The following PCDH15 variants were observed in gnomAD, a reference collection of about 807,000 sequenced individuals.
PCDH15 encodes the protein protocadherin-15.
A neutral mutation model predicts 178.5 loss-of-function variants in PCDH15; 129 were observed. That is an observed-to-expected ratio of 0.72 (90% CI 0.63 to 0.84). PCDH15 has a LOEUF of 0.84. Among genes scored for constraint, PCDH15 ranks in the 40% least tolerant of loss-of-function variants. The pLI, the probability that PCDH15 is intolerant of heterozygous loss-of-function variation, is 0.00. For missense variants in PCDH15, 2,230 were observed against 2,099.9 expected (o/e 1.06, Z -1.21); for synonymous variants, 800 against 732.0 (o/e 1.09, Z -1.50).
rs1159090797 is a variant in PCDH15, at chr10:54,329,673, A to G, written c.628T>C (p.Leu210=). 9 of 1,607,316 alleles carry G rather than the reference A, an allele frequency of 5.6e-6. No homozygotes were observed. Among genetic ancestry groups the G allele is most frequent in the Non-Finnish European group, 6.8e-6 (8 of 1,174,130 alleles). Residue 210 remains leucine (L), a synonymous_variant, in exon 7 of 38, where the codon TTG becomes CTG. Coordinates refer to ENST00000644397, the MANE Select transcript of PCDH15 (RefSeq NM_001384140.1). ...SNDTFEIPLM[L]TGNIVLRKRL... ...TTCCTTAACACTATATTTCCAGTCA[A>G]CATTAGGGGAATTTCAAAGGTGTCA...
At position 54,164,298 on chromosome 10, in the gene PCDH15, C is replaced by G. The variant is rs540808365; in HGVS notation, c.1591-11005G>C. Among the ~76,000 whole-genome samples the G allele has an allele frequency of 2.0e-5, 3 of 152,266 alleles. No homozygotes were observed. The South Asian group carries it at 6.2e-4, about 32-fold the overall frequency. ...GTGTATTGTGTTAAATATTTCATCTCTCTGCCTCAGCTCTATCGTGTGATA... is the reference window on the plus strand; with the variant it reads ...GTGTATTGTGTTAAATATTTCATCTGTCTGCCTCAGCTCTATCGTGTGATA... On this transcript the variant is annotated intron_variant, in intron 13 of 37. Coordinates refer to ENST00000644397, the MANE Select transcript of PCDH15 (RefSeq NM_001384140.1).
upstream of PCDH15, among the ~76,000 whole-genome samples, chr10:54,801,636 CCT>C (rs973232955): frequency 6.6e-6 from 1 of 151,606 alleles, no homozygotes; most frequent in Middle Eastern, 3.4e-3. Context: ...TCTGTCTCTC[CCT>C]CTCTCTCTCA....
At chr10:55,016,200 C>T (rs898617058) in intron 2 of PCDH15, among the ~76,000 whole-genome samples, 30 of 150,924 alleles carry the variant, frequency 2.0e-4, no homozygotes, top group African/African-American at 7.3e-4. Flanking sequence ...GTAATAATCA[C>T]ATCAGGGTAA....
chr10:55,315,002 C>G (rs929755413), intron 1 of PCDH15, among the ~76,000 whole-genome samples: 1 of 152,016 alleles, frequency 6.6e-6, no homozygotes, highest in Non-Finnish European at 1.5e-5. Context: ...AATATTTATA[C>G]ATCTGTGTAC....
chr10:55,348,547 A>G (rs1236913207), intron 2 of PCDH15, among the ~76,000 whole-genome samples: 1 of 152,178 alleles, frequency 6.6e-6, no homozygotes, highest in African/African-American at 2.4e-5. Flanking sequence ...GTAAACACAC[A>G]AACATAGTGT....
chr10:55,484,980 G>C (rs1289621263), intron 2 of PCDH15, among the ~76,000 whole-genome samples: 1 of 151,658 alleles, frequency 6.6e-6, no homozygotes, highest in African/African-American at 2.4e-5. Flanking sequence ...TCTGGGGAAG[G>C]ATTTTTTTGT....
chr10:55,342,093 T>C (rs1844617023), intron 2 of PCDH15, among the ~76,000 whole-genome samples: 2 of 151,626 alleles, frequency 1.3e-5, no homozygotes, highest in East Asian at 1.9e-4. Context: ...TTTGAATATG[T>C]ATATTGTTAA....
rs139434924 is a variant in PCDH15, at chr10:54,446,639, C to T, written c.158-67697G>A. On this transcript the variant is annotated intron_variant, in intron 3 of 37. Transcript: ENST00000644397. ...CACATGATGTCTTAAAGTATACATACATTGTGGAATGGCTAAATCAAGCTC... is the reference window on the plus strand; with the variant it reads ...CACATGATGTCTTAAAGTATACATATATTGTGGAATGGCTAAATCAAGCTC... 2.1e-3 allele frequency among the ~76,000 whole-genome samples: 320 copies of T among 151,550 alleles called. 6 individuals are homozygous for T. The highest frequency in any genetic ancestry group is 0.017 in the Admixed American group (253 of 15,110).
chr10:54,819,236 T>C (rs1591719376), intron 3 of PCDH15, among the ~76,000 whole-genome samples: 1 of 152,072 alleles, frequency 6.6e-6, no homozygotes, highest in African/African-American at 2.4e-5. Context: ...TGGTAACTGA[T>C]AGAATAAGGA....
chr10:54,019,193 T>G (rs138308776), intron 20 of PCDH15, among the ~76,000 whole-genome samples: 2,391 of 152,228 alleles, frequency 0.016, 24 homozygotes, highest in South Asian at 0.03. Context: ...TTCTATTTTC[T>G]TCCCTTACCA....
Position 54,576,693 on chromosome 10 carries a change from A to G in PCDH15, c.92-48816T>C, listed in dbSNP as rs569481636. On this transcript the variant is annotated intron_variant, in intron 2 of 37. Coordinates refer to ENST00000644397, the MANE Select transcript of PCDH15 (RefSeq NM_001384140.1). ...GCAAATTCTTGGGAATTGTATCCAG[A>G]TCAGATAAAACGTTGGACACTGGTT... is the stretch of plus-strand genomic sequence containing the variant. 4.4e-4 allele frequency among the ~76,000 whole-genome samples: 67 copies of G among 152,298 alleles called. No individual in the cohort carries two copies. The South Asian group carries it at 0.014, about 31-fold the overall frequency.
chr10:54,452,183 G>C (rs1315642581), intron 3 of PCDH15, among the ~76,000 whole-genome samples: 1 of 151,958 alleles, frequency 6.6e-6, no homozygotes, highest in Non-Finnish European at 1.5e-5. Context: ...GGGAGGAGGT[G>C]CTTAGGGCAT....
chr10:54,543,560 G>A (rs1355737029), intron 2 of PCDH15, among the ~76,000 whole-genome samples: 1 of 152,186 alleles, frequency 6.6e-6, no homozygotes, highest in Non-Finnish European at 1.5e-5. Flanking sequence ...AGTGACAAGG[G>A]ATGGATGTCT....
intron 2 of PCDH15, among the ~76,000 whole-genome samples, chr10:54,607,520 T>G (rs1284790136): frequency 6.6e-6 from 1 of 152,034 alleles, no homozygotes; most frequent in East Asian, 1.9e-4. Flanking sequence ...GACCTCTCAA[T>G]TCCTGGCATA....
At chr10:55,515,535 T>C (rs1344820228) in intron 2 of PCDH15, among the ~76,000 whole-genome samples, 2 of 152,120 alleles carry the variant, frequency 1.3e-5, no homozygotes, top group African/African-American at 4.8e-5. Flanking sequence ...CTATTTATAC[T>C]AATAAATAGC....
intron 3 of PCDH15, among the ~76,000 whole-genome samples, chr10:54,869,800 C>G (rs1379237348): frequency 6.6e-6 from 1 of 152,142 alleles, no homozygotes. Flanking sequence ...AGCATTTGAT[C>G]TTTCTCCCCC....
chr10:55,124,733 T>C (rs1388236291), intron 2 of PCDH15, among the ~76,000 whole-genome samples: 2 of 152,126 alleles, frequency 1.3e-5, no homozygotes, highest in Non-Finnish European at 2.9e-5. Flanking sequence ...AAAAATATTC[T>C]GTATATTTTA....
chr10:55,602,097 T>G, intron 2 of PCDH15, among the ~76,000 whole-genome samples: 1 of 152,058 alleles, frequency 6.6e-6, no homozygotes, highest in Admixed American at 6.5e-5. Context: ...GTCAGGGAGT[T>G]CCCTTTCCTA....
At chr10:55,384,752 T>A (rs547917587) in intron 2 of PCDH15, among the ~76,000 whole-genome samples, 2 of 152,240 alleles carry the variant, frequency 1.3e-5, no homozygotes, top group South Asian at 4.1e-4. Flanking sequence ...ATTTAGATAA[T>A]ATGAATTCAA....
Sources: gnomAD v4.1 joint callset for allele counts (sites outside exome capture counted in the v4.1 genomes callset) on GRCh38, gnomAD v4.1.1 for gene constraint, MANE v1.5 for transcripts, NCBI Gene and HGNC (gene_info 2026-07-23, HGNC 2026-07-21) for gene names.